Variants in SYNE1 observed in about 807,000 individuals in gnomAD.
SYNE1 encodes spectrin repeat containing nuclear envelope protein 1.
A neutral mutation model predicts 1,111.0 loss-of-function variants in SYNE1; 616 were observed. The observed-to-expected ratio is 0.55, with a 90% CI of 0.52 to 0.59. The LOEUF (loss-of-function observed/expected upper bound fraction) is 0.59, where lower values mean the gene tolerates loss of function less well. SYNE1 is among the 20% of genes least tolerant of loss of function. The pLI, the probability that SYNE1 is intolerant of heterozygous loss-of-function variation, is 0.00. For synonymous variants in SYNE1, 3,855 were observed against 3,825.8 expected, an observed-to-expected ratio of 1.01 and a Z score of -0.28; for missense variants, 10,006 against 10,417.0, an observed-to-expected ratio of 0.96 and a Z score of 1.72.
chr6:152,437,156 A>G (rs571682659), intron 32 of SYNE1, among the ~76,000 whole-genome samples: 2,697 of 151,004 alleles, frequency 0.018, 36 homozygotes, highest in Non-Finnish European at 0.02. Context: ...TTTGTCTCAA[A>G]GAAAAAAGAG....
At chr6:152,623,271 T>C (rs1276480723) in intron 3 of SYNE1, among the ~76,000 whole-genome samples, 1 of 152,128 alleles carries the variant, frequency 6.6e-6, no homozygotes, top group African/African-American at 2.4e-5. Flanking sequence ...ATTCAATAAA[T>C]GGTGCTGGAA....
chr6:152,340,836 T>C (rs1200061071), intron 74 of SYNE1, among the ~76,000 whole-genome samples: 2 of 152,160 alleles, frequency 1.3e-5, no homozygotes, highest in African/African-American at 4.8e-5. Flanking sequence ...CAGGCAGCTA[T>C]GGTGTCCAGG....
intron 16 of SYNE1, among the ~76,000 whole-genome samples, chr6:152,467,931 C>G (rs2098781124): frequency 6.6e-6 from 1 of 152,056 alleles, no homozygotes; most frequent in Non-Finnish European, 1.5e-5. Context: ...CTCCATTTTA[C>G]TGTAAGCTAT....
At position 152,447,675 on chromosome 6, in the gene SYNE1, T is replaced by C. The variant is rs1219604137; in HGVS notation, c.3505-53A>G. On this transcript the variant is annotated intron_variant, in intron 28 of 145. Coordinates refer to ENST00000367255, the MANE Select transcript of SYNE1 (RefSeq NM_182961.4). ...CACAGTGCAATTGTGAAATCATAAC[T>C]TTCCAGCAATAAAGGACTCAGCCTA... 4.3e-6 allele frequency: 7 copies of C among 1,610,128 alleles called. No homozygotes were observed. In the Admixed American group the frequency reaches 6.7e-5, roughly 15 times the overall value.
chr6:152,267,318 T>C (rs914850396), intron 100 of SYNE1, among the ~76,000 whole-genome samples: 1 of 152,200 alleles, frequency 6.6e-6, no homozygotes, highest in African/African-American at 2.4e-5. Flanking sequence ...TTTTTTTTTA[T>C]GTTTTAGATT....
intron 131 of SYNE1, among the ~76,000 whole-genome samples, chr6:152,156,387 C>G (rs1443509239): frequency 1.3e-5 from 2 of 152,150 alleles, no homozygotes; most frequent in Admixed American, 6.5e-5. Flanking sequence ...AAAAATGAAT[C>G]TTGCCCCAGA....
rs1432898834 is a variant in SYNE1 at position 152,247,750 on chromosome 6, T to TATATACACAC, written c.19572+1410_19572+1411insGTGTGTATAT. On this transcript the variant is annotated intron_variant, in intron 105 of 145. Transcript: ENST00000367255. ...TATTATATATATATATATATATATA[T>TATATACACAC]ACACACACACACACACACACACACA... 8.3e-3 allele frequency among the ~76,000 whole-genome samples: 931 copies of TATATACACAC among 112,306 alleles called. 10 individuals are homozygous for TATATACACAC. Among genetic ancestry groups the TATATACACAC allele is most frequent in the African/African-American group, 0.027 (751 of 27,930 alleles). The allele number at this position is 112,306 out of a possible 152,430, so 73.7% of individuals were successfully genotyped here. A position where few individuals can be genotyped will look rare whatever the true frequency, so the allele number is the denominator to read the frequency against.
intron 63 of SYNE1, among the ~76,000 whole-genome samples, chr6:152,363,147 C>T (rs192238351): frequency 2.0e-3 from 294 of 148,898 alleles, no homozygotes; most frequent in Admixed American, 3.7e-3. Context: ...TCCCAAAGTG[C>T]TGGGAATACA....
At chr6:152,425,236 A>G in intron 39 of SYNE1, 145 bp downstream of exon 39, 1 of 849,224 alleles carries the variant, frequency 1.2e-6, no homozygotes, top group Non-Finnish European at 1.8e-6. Context: ...CTTGATTTTC[A>G]AAATAAAAGT....
intron 3 of SYNE1, among the ~76,000 whole-genome samples, chr6:152,586,822 C>G (rs2099541027): frequency 6.6e-6 from 1 of 152,052 alleles, no homozygotes; most frequent in Admixed American, 6.6e-5. Flanking sequence ...ATTGAATTAT[C>G]CCTACATTCC....
At chr6:152,328,837 T>C (rs1005479845) in intron 78 of SYNE1, among the ~76,000 whole-genome samples, 15 of 152,196 alleles carry the variant, frequency 9.9e-5, no homozygotes, top group African/African-American at 3.4e-4. Flanking sequence ...ATTACGAGTA[T>C]TCTAGTCTTT....
At chr6:152,225,603 A>G in intron 116 of SYNE1, 118 bp downstream of exon 116, 1 of 1,231,598 alleles carries the variant, frequency 8.1e-7, no homozygotes, top group South Asian at 1.3e-5. Context: ...TTAAAAGTAC[A>G]AGGAGATAAT....
intron 122 of SYNE1, 92 bp from the exon 123 acceptor site, chr6:152,213,851 C>T: frequency 6.4e-7 from 1 of 1,552,162 alleles, no homozygotes; most frequent in Non-Finnish European, 8.8e-7. Context: ...TCTCTGTGCT[C>T]AATTCTAATT....
At chr6:152,234,921 G>T in intron 110 of SYNE1, 121 bp from the exon 111 acceptor site, 1 of 1,166,674 alleles carries the variant, frequency 8.6e-7, no homozygotes, top group Non-Finnish European at 1.2e-6. Flanking sequence ...GAAGAAAAAT[G>T]CATGAGGTTG....
chr6:152,491,468 C>G (rs531054748), intron 11 of SYNE1, among the ~76,000 whole-genome samples: 1 of 152,278 alleles, frequency 6.6e-6, no homozygotes, highest in East Asian at 1.9e-4. Context: ...CCCCCTTCTT[C>G]TCCCTTAGCC....
At chr6:152,303,806 T>G (rs1589651591) in intron 91 of SYNE1, among the ~76,000 whole-genome samples, 1 of 152,350 alleles carries the variant, frequency 6.6e-6, no homozygotes, top group East Asian at 1.9e-4. Context: ...CCATCCTTTT[T>G]GCTCCTCAAA....
At chr6:152,573,329 C>T (rs12176119) in intron 3 of SYNE1, among the ~76,000 whole-genome samples, 2 of 128,740 alleles carry the variant, frequency 1.6e-5, no homozygotes, top group South Asian at 3.1e-4. Flanking sequence ...CTATCCCCCC[C>T]CCTCCCCCCA....
chr6:152,325,483 A>C (rs564670092), intron 80 of SYNE1, among the ~76,000 whole-genome samples, 181 bp from the exon 81 acceptor site: 1 of 152,340 alleles, frequency 6.6e-6, no homozygotes, highest in South Asian at 2.1e-4. Context: ...GTGAGTCTTA[A>C]AGCTTTTTAA....
At chr6:152,178,365 G>C (rs1189367422) in intron 129 of SYNE1, among the ~76,000 whole-genome samples, 2 of 152,152 alleles carry the variant, frequency 1.3e-5, no homozygotes, top group Admixed American at 6.5e-5. Flanking sequence ...CAGCAACTTA[G>C]CAAAGGGCAA....
Sources: gnomAD v4.1 joint callset for allele counts (sites outside exome capture counted in the v4.1 genomes callset) on GRCh38, gnomAD v4.1.1 for gene constraint, MANE v1.5 for transcripts, NCBI Gene and HGNC (gene_info 2026-07-23, HGNC 2026-07-21) for gene names.